PDE4D: variants seen among roughly 807,000 people sequenced by gnomAD.
PDE4D encodes the protein phosphodiesterase 4D.
PDE4D carries 24 observed loss-of-function variants against 87.4 expected under a neutral mutation model. The observed-to-expected ratio is 0.27, with a 90% CI of 0.20 to 0.39. The LOEUF (loss-of-function observed/expected upper bound fraction) is 0.39, where lower values mean the gene tolerates loss of function less well. PDE4D is among the 10% of genes least tolerant of loss of function. PDE4D has a pLI of 1.00. For missense variants in PDE4D, 714 were observed against 1,041.0 expected (o/e 0.69, Z 4.32); for synonymous variants, 384 against 383.2 (o/e 1.00, Z -0.02).
intron 5 of PDE4D, among the ~76,000 whole-genome samples, chr5:59,117,374 T>C (rs1278103287): frequency 6.6e-6 from 1 of 152,240 alleles, no homozygotes; most frequent in Non-Finnish European, 1.5e-5. Flanking sequence ...ACAAAATGTA[T>C]TAGTTTGACA....
chr5:59,314,529 G>A (rs553627143), intron 1 of PDE4D: 35 of 152,278 alleles, frequency 2.3e-4, no homozygotes, highest in African/African-American at 8.2e-4. Context: ...GAATTCAGTA[G>A]CTAATGCAGT....
At chr5:59,673,637 C>T (rs1580327426) in intron 1 of PDE4D, among the ~76,000 whole-genome samples, 1 of 152,148 alleles carries the variant, frequency 6.6e-6, no homozygotes, top group East Asian at 1.9e-4. Flanking sequence ...AGCATGGCGC[C>T]ATCTAGTGAT....
intron 1 of PDE4D, among the ~76,000 whole-genome samples, chr5:59,779,165 A>C (rs1484359707): frequency 6.7e-6 from 1 of 149,314 alleles, no homozygotes; most frequent in Admixed American, 6.7e-5. Flanking sequence ...CTGTCTCGGA[A>C]AAAAAAAAAA....
chr5:60,409,668 A>G (rs1033323587), intron 1 of PDE4D, among the ~76,000 whole-genome samples: 4 of 152,238 alleles, frequency 2.6e-5, no homozygotes, highest in Non-Finnish European at 4.4e-5. Flanking sequence ...ATAAAGGAAG[A>G]AGGAGTTAAT....
At chr5:59,255,567 C>T (rs1052304814) in intron 1 of PDE4D, among the ~76,000 whole-genome samples, 2 of 152,018 alleles carry the variant, frequency 1.3e-5, no homozygotes, top group African/African-American at 2.4e-5. Flanking sequence ...ATTATACACC[C>T]TGTATTGATG....
chr5:59,430,493 T>C (rs1370272229), intron 1 of PDE4D: 1 of 1,140,036 alleles, frequency 8.8e-7, no homozygotes, highest in Non-Finnish European at 1.1e-6. Context: ...GGAAAGAACA[T>C]GTCAGATAAT....
intron 1 of PDE4D, among the ~76,000 whole-genome samples, chr5:60,371,102 T>G (rs1760989099): frequency 6.6e-6 from 1 of 152,198 alleles, no homozygotes; most frequent in South Asian, 2.1e-4. Context: ...AGAGTTCTAG[T>G]GCTGAACTAA....
At chr5:59,253,625 A>C (rs1048648510) in intron 1 of PDE4D, among the ~76,000 whole-genome samples, 1 of 152,170 alleles carries the variant, frequency 6.6e-6, no homozygotes, top group Non-Finnish European at 1.5e-5. Context: ...CTGTTTATGA[A>C]TTTCTGATAA....
At chr5:60,345,694 C>G (rs1758698078) in intron 1 of PDE4D, among the ~76,000 whole-genome samples, 1 of 151,968 alleles carries the variant, frequency 6.6e-6, no homozygotes, top group Non-Finnish European at 1.5e-5. Context: ...ATTTATACCT[C>G]TACTTGAATA....
intron 1 of PDE4D, among the ~76,000 whole-genome samples, chr5:60,267,555 G>GACCACCACC (rs1462999976): frequency 6.6e-6 from 1 of 152,026 alleles, no homozygotes; most frequent in Non-Finnish European, 1.5e-5. Flanking sequence ...GTAAAAATAA[G>GACCACCACC]ACCACCACCA....
At chr5:59,783,543 A>G (rs1454860946) in intron 1 of PDE4D, among the ~76,000 whole-genome samples, 4 of 152,180 alleles carry the variant, frequency 2.6e-5, no homozygotes, top group Non-Finnish European at 5.9e-5. Flanking sequence ...CTCTTCTCTC[A>G]TGCTTTCACT....
intron 1 of PDE4D, among the ~76,000 whole-genome samples, chr5:59,574,111 TA>T (rs1822587804): frequency 9.0e-6 from 1 of 111,668 alleles, no homozygotes; most frequent in African/African-American, 4.1e-5. Flanking sequence ...TATTTATATA[TA>T]TATATAAATA....
chr5:59,625,037 C>T lies in PDE4D; in HGVS notation c.455+268131G>A, dbSNP rs143369607. ...GTTACTCCACGGTTATATTACTTTA[C>T]ATGGAAAAAGGAATTTTTGTAGATG... On this transcript the variant is annotated intron_variant, in intron 1 of 14. Transcript: ENST00000340635. Among the ~76,000 whole-genome samples the T allele has an allele frequency of 3.3e-5, 5 of 152,264 alleles. No individual in the cohort carries two copies. In the East Asian group the frequency reaches 9.6e-4, roughly 29 times the overall value.
chr5:60,290,908 C>T (rs577882167), intron 1 of PDE4D, among the ~76,000 whole-genome samples: 1 of 152,080 alleles, frequency 6.6e-6, no homozygotes, highest in Admixed American at 6.6e-5. Flanking sequence ...GTATTTGTAA[C>T]CCCCCAAAAA....
intron 1 of PDE4D, among the ~76,000 whole-genome samples, chr5:59,277,991 G>A (rs1216330373): frequency 1.3e-5 from 2 of 152,064 alleles, no homozygotes; most frequent in Non-Finnish European, 2.9e-5. Flanking sequence ...GACAATGTAT[G>A]GAACTAACCA....
chr5:59,759,707 T>C (rs1049390323), intron 1 of PDE4D, among the ~76,000 whole-genome samples: 2 of 152,162 alleles, frequency 1.3e-5, no homozygotes, highest in African/African-American at 4.8e-5. Flanking sequence ...GCCACAGACA[T>C]GGCTGAAGGT....
chr5:59,053,452 CA>C (rs1272552772), intron 5 of PDE4D, among the ~76,000 whole-genome samples: 4 of 149,968 alleles, frequency 2.7e-5, no homozygotes, highest in African/African-American at 9.9e-5. Context: ...AATGTGTAGA[CA>C]TTTTTAATTA....
intron 3 of PDE4D, among the ~76,000 whole-genome samples, chr5:59,187,297 G>C (rs1278148648): frequency 6.6e-6 from 1 of 151,952 alleles, no homozygotes; most frequent in Non-Finnish European, 1.5e-5. Flanking sequence ...TTTGTTTTTA[G>C]TTTAAAATTT....
chr5:59,652,536 A>G (rs1407610265), intron 1 of PDE4D, among the ~76,000 whole-genome samples: 1 of 152,154 alleles, frequency 6.6e-6, no homozygotes, highest in Non-Finnish European at 1.5e-5. Flanking sequence ...AAATATACGA[A>G]ACTTTCACAG....
Sources: gnomAD v4.1 joint callset for allele counts (sites outside exome capture counted in the v4.1 genomes callset) on GRCh38, gnomAD v4.1.1 for gene constraint, MANE v1.5 for transcripts, NCBI Gene and HGNC (gene_info 2026-07-23, HGNC 2026-07-21) for gene names.